PIWIL2: variants seen among roughly 807,000 people sequenced by gnomAD.
PIWIL2 encodes the protein piwi-like protein 2.
A neutral mutation model predicts 116.5 loss-of-function variants in PIWIL2; 81 were observed. That is an observed-to-expected ratio of 0.70 (90% confidence interval 0.58 to 0.84). PIWIL2 has a LOEUF of 0.84. PIWIL2 is among the 40% of genes least tolerant of loss of function. PIWIL2 has a pLI of 0.00. For missense variants in PIWIL2, 1,272 were observed against 1,212.3 expected, an observed-to-expected ratio of 1.05 and a Z score of -0.73; for synonymous variants, 489 against 429.5, an observed-to-expected ratio of 1.14 and a Z score of -1.71.
intron 1 of PIWIL2, among the ~76,000 whole-genome samples, chr8:22,276,246 A>T (rs1298658323): frequency 6.6e-6 from 1 of 152,180 alleles, no homozygotes; most frequent in African/African-American, 2.4e-5. Context: ...TGGGTTTATG[A>T]ATTGTGTGTT....
At chr8:22,300,635 A>T (rs189674711) in intron 10 of PIWIL2, among the ~76,000 whole-genome samples, 1 of 152,202 alleles carries the variant, frequency 6.6e-6, no homozygotes, top group African/African-American at 2.4e-5. Flanking sequence ...CTGAGAATTC[A>T]GATTGTTCCA....
rs182564135 is a variant in PIWIL2, at chr8:22,308,796, A to T, written c.1686+723A>T. Among the ~76,000 whole-genome samples, 466 of 152,176 alleles carry T rather than the reference A, an allele frequency of 3.1e-3. 4 individuals are homozygous for T. The highest frequency in any genetic ancestry group is 0.01 in the African/African-American group (424 of 41,524). On this transcript the variant is annotated intron_variant, in intron 14 of 22. Transcript: ENST00000356766. The stretch of plus-strand genomic sequence containing the variant: ...CCCGAATAGTTGGAATTACAGGCGC[A>T]CACCACCATGCCTGGCTAATTTTTG...
chr8:22,297,491 T>G (rs1009557069), intron 10 of PIWIL2, among the ~76,000 whole-genome samples: 24 of 152,260 alleles, frequency 1.6e-4, no homozygotes, highest in African/African-American at 5.8e-4. Flanking sequence ...TTTTTTTTAT[T>G]TTTGTCTTTG....
intron 20 of PIWIL2, among the ~76,000 whole-genome samples, chr8:22,330,742 A>AAAT (rs1398764167): frequency 2.1e-4 from 31 of 146,724 alleles, no homozygotes; most frequent in African/African-American, 7.7e-4. Flanking sequence ...ATAAATAAAT[A>AAAT]AAAATAGTTG....
intron 22 of PIWIL2, among the ~76,000 whole-genome samples, chr8:22,355,091 A>G (rs1466979718): frequency 6.7e-6 from 1 of 148,356 alleles, no homozygotes; most frequent in Non-Finnish European, 1.5e-5. Flanking sequence ...AAAACAAAAA[A>G]CAACAACAAC....
intron 20 of PIWIL2, among the ~76,000 whole-genome samples, chr8:22,348,442 T>TG (rs1187447815): frequency 6.6e-6 from 1 of 152,010 alleles, no homozygotes; most frequent in Admixed American, 6.5e-5. Context: ...AACTGACCCT[T>TG]GCCCCTCTGC....
chr8:22,287,376 T>C (rs773720590), intron 6 of PIWIL2, 152 bp from the exon 7 acceptor site: 8 of 641,320 alleles, frequency 1.2e-5, no homozygotes, highest in Non-Finnish European at 5.7e-6. Flanking sequence ...CGAGCAGGTC[T>C]TCTTGAGTCA....
At chr8:22,307,480 T>TC (rs1831212644) in intron 13 of PIWIL2, among the ~76,000 whole-genome samples, 1 of 134,010 alleles carries the variant, frequency 7.5e-6, no homozygotes, top group East Asian at 2.2e-4. Flanking sequence ...TTCATTTTTT[T>TC]TTTTTTTTTT....
chr8:22,345,035 G>A (rs900581344), intron 20 of PIWIL2, among the ~76,000 whole-genome samples: 1 of 152,158 alleles, frequency 6.6e-6, no homozygotes. Flanking sequence ...TAAGCATGCC[G>A]GGCTTAGAGG....
At chr8:22,324,681 C>T (rs1831682164) in intron 20 of PIWIL2, among the ~76,000 whole-genome samples, 1 of 152,142 alleles carries the variant, frequency 6.6e-6, no homozygotes, top group Non-Finnish European at 1.5e-5. Context: ...AGTCCCAATC[C>T]CCAGTACCTG....
chr8:22,338,099 A>C (rs1473295904), intron 20 of PIWIL2, among the ~76,000 whole-genome samples: 2 of 152,162 alleles, frequency 1.3e-5, no homozygotes, highest in Admixed American at 6.5e-5. Flanking sequence ...TCTCAAAAAA[A>C]AAAAGAAATT....
chr8:22,338,726 C>A (rs200252285), intron 20 of PIWIL2, among the ~76,000 whole-genome samples: 1 of 145,978 alleles, frequency 6.9e-6, no homozygotes, highest in East Asian at 2.0e-4. Flanking sequence ...AAATAAATAA[C>A]AACATTTATG....
At chr8:22,343,336 G>A (rs898408013) in intron 20 of PIWIL2, among the ~76,000 whole-genome samples, 16 of 152,264 alleles carry the variant, frequency 1.1e-4, no homozygotes, top group Admixed American at 9.8e-4. Context: ...CGGGAAGGCT[G>A]AGGCAGGAGA....
At chr8:22,320,781 TG>T (rs1422962813) in intron 20 of PIWIL2, among the ~76,000 whole-genome samples, 1 of 151,664 alleles carries the variant, frequency 6.6e-6, no homozygotes, top group Admixed American at 6.6e-5. Context: ...TTAGTAGAGA[TG>T]GGGTTTTGCC....
intron 16 of PIWIL2, among the ~76,000 whole-genome samples, chr8:22,312,200 G>A (rs1403245593): frequency 1.3e-5 from 2 of 151,506 alleles, no homozygotes; most frequent in Admixed American, 6.6e-5. Flanking sequence ...GGGAGGTTGA[G>A]GCTGCAGTGA....
intron 20 of PIWIL2, among the ~76,000 whole-genome samples, chr8:22,336,531 C>CT (rs1831984885): frequency 1.3e-5 from 2 of 151,956 alleles, no homozygotes; most frequent in South Asian, 4.1e-4. Flanking sequence ...TAAGAAGAAT[C>CT]TAAAAACAAA....
At chr8:22,310,774 C>G (rs1232379364) in intron 15 of PIWIL2, among the ~76,000 whole-genome samples, 2 of 152,146 alleles carry the variant, frequency 1.3e-5, no homozygotes, top group African/African-American at 4.8e-5. Flanking sequence ...TTTCACAGCA[C>G]AGATTGATTT....
intron 13 of PIWIL2, among the ~76,000 whole-genome samples, chr8:22,307,192 T>C (rs1351006801): frequency 2.0e-5 from 3 of 152,206 alleles, no homozygotes; most frequent in South Asian, 2.1e-4. Context: ...TTTTTCAATA[T>C]TTGTTTTATT....
chr8:22,340,599 G>A (rs576618279), intron 20 of PIWIL2, among the ~76,000 whole-genome samples: 11 of 152,284 alleles, frequency 7.2e-5, no homozygotes, highest in Non-Finnish European at 1.6e-4. Context: ...AGACACAGAC[G>A]GGAGAAGGCA....
Sources: allele counts gnomAD v4.1 joint callset (sites outside exome capture counted in the v4.1 genomes callset), GRCh38; gene constraint gnomAD v4.1.1; transcripts MANE v1.5; gene names NCBI Gene and HGNC (gene_info 2026-07-23, HGNC 2026-07-21).